Variants in CFAP99 observed in about 807,000 individuals in gnomAD.
CFAP99 encodes the protein cilia and flagella associated protein 99.
Under a neutral mutation model 82.7 loss-of-function variants are expected in CFAP99, and 84 were observed. The observed-to-expected ratio is 1.02, with a 90% CI of 0.85 to 1.22. The LOEUF (loss-of-function observed/expected upper bound fraction) is 1.22, where lower values mean the gene tolerates loss of function less well. CFAP99 is among the 50% of genes most tolerant of loss of function. CFAP99 has a pLI of 0.00. For missense variants in CFAP99, 1,059 were observed against 983.5 expected, an observed-to-expected ratio of 1.08 and a Z score of -1.03; for synonymous variants, 456 against 429.5, an observed-to-expected ratio of 1.06 and a Z score of -0.76.
intron 1 of CFAP99, among the ~76,000 whole-genome samples, chr4:2,425,821 G>A (rs950516143): frequency 3.3e-5 from 5 of 152,136 alleles, no homozygotes; most frequent in African/African-American, 1.2e-4. Context: ...GGGGCTCTGG[G>A]CAAGCCTGTC....
At chr4:2,437,003 C>T in exon 3 of CFAP99, 3 of 1,536,072 alleles carry the variant, frequency 2.0e-6, no homozygotes, top group South Asian at 1.2e-5. Flanking sequence ...GCGGGTTGAC[C>T]ACAGCCGCTT....
rs1382972710 is a variant in CFAP99, at chr4:2,446,300, C to T, written c.642+992C>T. ...AATTTGTGGGCCTGCCTATTGTCTG[C>T]CTATTCCAGCAGACATCATCCATCT... On this transcript the variant is annotated intron_variant, in intron 6 of 14. Coordinates refer to ENST00000635017, the Ensembl canonical transcript of CFAP99. This position sits in a 1 kb window ranked among gnomAD's most constrained non-coding sequence, Gnocchi z 5.0. Among the ~76,000 whole-genome samples the T allele has an allele frequency of 2.6e-5, 4 of 152,078 alleles. No individual in the cohort carries two copies. Among genetic ancestry groups the T allele is most frequent in the Non-Finnish European group, 4.4e-5 (3 of 68,030 alleles).
chr4:2,456,813 C>T (rs28485362), intron 11 of CFAP99, among the ~76,000 whole-genome samples: 26,814 of 152,066 alleles, frequency 0.18, 2,637 homozygotes, highest in South Asian at 0.29. Flanking sequence ...GCCACCGCGC[C>T]CGGCCAATAA....
At chr4:2,452,602 C>T (rs1358639592) in intron 11 of CFAP99, among the ~76,000 whole-genome samples, 6 of 152,220 alleles carry the variant, frequency 3.9e-5, no homozygotes, top group Non-Finnish European at 2.9e-5. Context: ...GGAGCCTCAG[C>T]CCCAGGAGGC....
chr4:2,457,722 G>A (rs148581053), intron 11 of CFAP99, among the ~76,000 whole-genome samples: 26 of 152,324 alleles, frequency 1.7e-4, no homozygotes, highest in African/African-American at 5.8e-4. Flanking sequence ...CACTGCTCCC[G>A]GCCTGTGGCC....
intron 2 of CFAP99, among the ~76,000 whole-genome samples, chr4:2,431,655 C>A (rs988874790): frequency 1.3e-5 from 2 of 152,130 alleles, no homozygotes; most frequent in Non-Finnish European, 2.9e-5. Flanking sequence ...AGGTAGGGAG[C>A]ACTTGTTCCC....
intron 1 of CFAP99, among the ~76,000 whole-genome samples, chr4:2,425,961 T>C (rs1266771989): frequency 6.6e-6 from 1 of 151,996 alleles, no homozygotes; most frequent in Non-Finnish European, 1.5e-5. Context: ...CAACCATGTG[T>C]GATGAGGTCA....
intron 5 of CFAP99, 118 bp downstream of exon 5, chr4:2,443,360 C>G: frequency 3.0e-6 from 2 of 673,152 alleles, no homozygotes; most frequent in South Asian, 3.3e-5. Context: ...CTATGAGTGT[C>G]AGTAATCACT....
intron 6 of CFAP99, 80 bp downstream of exon 6, chr4:2,445,388 G>A: frequency 1.7e-6 from 2 of 1,204,616 alleles, no homozygotes; most frequent in South Asian, 3.5e-5. Flanking sequence ...GTGTGGGCCT[G>A]TGGGGGACTG....
chr4:2,436,724 G>A (rs1198216722), intron 2 of CFAP99, 150 bp from the exon 3 acceptor site: 1 of 623,302 alleles, frequency 1.6e-6, no homozygotes, highest in African/African-American at 1.8e-5. Flanking sequence ...TGAGTGGGGA[G>A]GCACTGCCAG....
At chr4:2,431,491 G>A (rs530368689) in intron 2 of CFAP99, among the ~76,000 whole-genome samples, 12 of 152,270 alleles carry the variant, frequency 7.9e-5, no homozygotes, top group African/African-American at 2.9e-4. Flanking sequence ...ACCACTGTGG[G>A]ACTGACTGAC....
chr4:2,442,859 G>T (rs530189663), intron 4 of CFAP99, among the ~76,000 whole-genome samples: 1 of 152,100 alleles, frequency 6.6e-6, no homozygotes, highest in Non-Finnish European at 1.5e-5. Context: ...CACCCTGCGC[G>T]GTGGCCTTGG....
chr4:2,434,825 C>T (rs1387166507), intron 2 of CFAP99, among the ~76,000 whole-genome samples: 2 of 152,256 alleles, frequency 1.3e-5, no homozygotes, highest in African/African-American at 2.4e-5. Context: ...CTGTAGTTCT[C>T]AGGCCTCCAG....
intron 10 of CFAP99, among the ~76,000 whole-genome samples, chr4:2,451,620 G>A (rs1283605918): frequency 6.6e-6 from 1 of 152,132 alleles, no homozygotes; most frequent in Non-Finnish European, 1.5e-5. Context: ...CTCCCTTGGG[G>A]TTACCTCCTC....
chr4:2,434,071 G>A (rs539447244), intron 2 of CFAP99, among the ~76,000 whole-genome samples: 11 of 152,346 alleles, frequency 7.2e-5, no homozygotes, highest in East Asian at 1.9e-4. Context: ...AAGACAGACC[G>A]AGAGACACGC....
intron 2 of CFAP99, among the ~76,000 whole-genome samples, chr4:2,429,999 C>G (rs938879892): frequency 1.3e-5 from 2 of 152,222 alleles, no homozygotes; most frequent in Non-Finnish European, 2.9e-5. Context: ...GAAATTGTTG[C>G]AATTCACTGA....
rs1461860295 is a variant in CFAP99, at chr4:2,443,124, C to T, written c.352-6C>T. 3.3e-6 allele frequency: 5 copies of T among 1,506,372 alleles called. No individual in the cohort carries two copies. Among genetic ancestry groups the T allele is most frequent in the Non-Finnish European group, 4.5e-6 (5 of 1,121,394 alleles). 93.3% of individuals were successfully genotyped at this position (1,506,372 alleles called of 1,614,324 possible). ...CCGGCCCCCTGACAGCCCCCGTCCA[C>T]CCCAGTTCCTCAGGTTCTTCTTCAA... On this transcript the variant is annotated splice_polypyrimidine_tract_variant and splice_region_variant and intron_variant, in intron 4 of 14. Coordinates refer to ENST00000635017, the Ensembl canonical transcript of CFAP99.
intron 4 of CFAP99, among the ~76,000 whole-genome samples, chr4:2,441,062 GATA>G (rs150251876): frequency 8.2e-5 from 12 of 146,812 alleles, no homozygotes; most frequent in East Asian, 4.0e-4. Context: ...CTTCCTAAAT[GATA>G]ATAATAATAA....
intron 2 of CFAP99, among the ~76,000 whole-genome samples, chr4:2,436,432 G>C (rs1733907963): frequency 1.3e-5 from 2 of 152,144 alleles, no homozygotes; most frequent in South Asian, 4.1e-4. Context: ...GAGTTCCGTG[G>C]GGTTAGGCAC....
Sources: allele counts gnomAD v4.1 joint callset (sites outside exome capture counted in the v4.1 genomes callset), GRCh38; gene constraint gnomAD v4.1.1; non-coding constraint Gnocchi (gnomAD v3.1); transcripts MANE v1.5; gene names NCBI Gene and HGNC (gene_info 2026-07-23, HGNC 2026-07-21).